Variants in DNAH14 observed in about 807,000 individuals in gnomAD.
DNAH14 encodes axonemal beta dynein heavy chain 14.
Under a neutral mutation model 520.9 loss-of-function variants are expected in DNAH14, and 478 were observed. The ratio of observed to expected loss-of-function variants is 0.92; its 90% CI spans 0.85 to 0.99. The LOEUF (loss-of-function observed/expected upper bound fraction) is 0.99. DNAH14 is among the 50% of genes least tolerant of loss of function. The pLI is 0.00. For missense variants in DNAH14, 4,831 were observed against 5,234.5 expected, an observed-to-expected ratio of 0.92 and a Z score of 2.38; for synonymous variants, 1,581 against 1,757.2, an observed-to-expected ratio of 0.90 and a Z score of 2.51.
intron 54 of DNAH14, among the ~76,000 whole-genome samples, chr1:225,282,449 C>T (rs923962117): frequency 1.3e-5 from 2 of 152,202 alleles, no homozygotes; most frequent in Non-Finnish European, 2.9e-5. Context: ...GAAGCTTGAA[C>T]AATTTTATCT....
rs2087684263 is a variant in DNAH14, at chr1:225,207,159, C to T, written c.6378C>T (p.Thr2126=). Residue 2126 remains threonine (T), a synonymous_variant, in exon 41 of 86, where the codon ACC becomes ACT. Coordinates refer to ENST00000682510, the MANE Select transcript of DNAH14 (RefSeq NM_001367479.1). ...YPMEDITVVI[T]LCRILDAFFD... is the part of the protein sequence containing the mutation. The stretch of plus-strand genomic sequence containing the variant: ...TGGAGGACATAACAGTCGTCATAAC[C>T]CTCTGCAGAATTCTTGATGCTTTCT... 15 of 1,544,440 alleles carry T rather than the reference C, an allele frequency of 9.7e-6. No homozygotes were observed. Among genetic ancestry groups the T allele is most frequent in the African/African-American group, 1.4e-5 (1 of 72,852 alleles).
At chr1:225,302,818 T>C (rs749612797) in intron 56 of DNAH14, among the ~76,000 whole-genome samples, 1 of 152,186 alleles carries the variant, frequency 6.6e-6, no homozygotes, top group Non-Finnish European at 1.5e-5. Context: ...ACTTTGAGTT[T>C]CTGTGGGTCT....
At chr1:225,327,457 G>C (rs1201255270) in intron 64 of DNAH14, among the ~76,000 whole-genome samples, 1 of 152,008 alleles carries the variant, frequency 6.6e-6, no homozygotes, top group Non-Finnish European at 1.5e-5. Flanking sequence ...CACCGCACCT[G>C]GCCGACTAAC....
At chr1:225,010,124 A>G (rs769363537) in intron 10 of DNAH14, among the ~76,000 whole-genome samples, 32 of 152,274 alleles carry the variant, frequency 2.1e-4, no homozygotes, top group Non-Finnish European at 4.3e-4. Flanking sequence ...AGAACTTCCA[A>G]TATTATGTTG....
intron 84 of DNAH14, among the ~76,000 whole-genome samples, chr1:225,393,081 G>A (rs189659828): frequency 5.4e-4 from 82 of 152,318 alleles, no homozygotes; most frequent in Admixed American, 1.9e-3. Context: ...CTAATGCTGG[G>A]GAGGAAGGGG....
intron 60 of DNAH14, among the ~76,000 whole-genome samples, chr1:225,314,456 C>T (rs555678297): frequency 3.9e-4 from 59 of 152,222 alleles, no homozygotes; most frequent in African/African-American, 1.3e-3. Context: ...TATAGTTATG[C>T]GTGAATTTGA....
At chr1:225,186,245 A>AT (rs2084713652) in intron 37 of DNAH14, among the ~76,000 whole-genome samples, 2 of 151,692 alleles carry the variant, frequency 1.3e-5, no homozygotes, top group African/African-American at 2.4e-5. Flanking sequence ...AGTGGGAAAT[A>AT]TCCTGCTTCG....
chr1:225,365,304 G>A (rs537701589), intron 76 of DNAH14, among the ~76,000 whole-genome samples: 2 of 152,150 alleles, frequency 1.3e-5, no homozygotes, highest in Non-Finnish European at 2.9e-5. Flanking sequence ...AAGATTATCT[G>A]GGACTTCTCA....
At chr1:225,022,442 G>C (rs549837056) in intron 10 of DNAH14, among the ~76,000 whole-genome samples, 9 of 152,038 alleles carry the variant, frequency 5.9e-5, no homozygotes, top group Non-Finnish European at 1.0e-4. Flanking sequence ...AATGGGCAAA[G>C]GATATGAACA....
chr1:225,365,334 A>G (rs2150582764), intron 76 of DNAH14, among the ~76,000 whole-genome samples: 1 of 152,320 alleles, frequency 6.6e-6, no homozygotes, highest in South Asian at 2.1e-4. Context: ...TTGAGGCTGA[A>G]TAAATAGTAA....
chr1:224,987,506 A>G (rs560936085), intron 8 of DNAH14, among the ~76,000 whole-genome samples: 1 of 152,334 alleles, frequency 6.6e-6, no homozygotes, highest in African/African-American at 2.4e-5. Context: ...GGGAAGTTTA[A>G]GAACTTGACA....
At chr1:225,184,547 G>C (rs1432492144) in intron 36 of DNAH14, among the ~76,000 whole-genome samples, 1 of 152,116 alleles carries the variant, frequency 6.6e-6, no homozygotes, top group Admixed American at 6.5e-5. Flanking sequence ...TTGAACCTGG[G>C]AGGCAGAGGT....
intron 43 of DNAH14, among the ~76,000 whole-genome samples, chr1:225,247,382 T>C (rs1419052465): frequency 6.6e-6 from 1 of 151,950 alleles, no homozygotes; most frequent in East Asian, 1.9e-4. Context: ...ATTCCAGAAC[T>C]TAAAGAATAA....
At position 224,960,378 on chromosome 1, in the gene DNAH14, A is replaced by G. The variant is rs1376246659; in HGVS notation, c.367+76A>G. The G allele has an allele frequency of 2.2e-6, 3 of 1,369,262 alleles. No individual in the cohort carries two copies. The African/African-American group carries it at 4.4e-5, about 20-fold the overall frequency. 84.8% of individuals were successfully genotyped at this position (1,369,262 alleles called of 1,614,324 possible). On this transcript the variant is annotated intron_variant, in intron 4 of 85. Coordinates refer to ENST00000682510, the MANE Select transcript of DNAH14 (RefSeq NM_001367479.1). ...ATTATTCTGTGGTTTGTGTGCTTATATTGGACACTGACTTTAGAAAAAACA... is the reference window on the plus strand; with the variant it reads ...ATTATTCTGTGGTTTGTGTGCTTATGTTGGACACTGACTTTAGAAAAAACA...
Position 225,346,593 on chromosome 1 carries a change from C to CT in DNAH14, c.11240dup (p.Leu3747PhefsTer10), listed in dbSNP as rs531695444. 230 of 1,550,436 alleles carry CT rather than the reference C, an allele frequency of 1.5e-4. No homozygotes were observed. In the African/African-American group the frequency reaches 2.8e-3, roughly 19 times the overall value. On this transcript the variant is annotated frameshift_variant, in exon 71 of 86. Transcript: ENST00000682510. LOFTEE classifies it high-confidence loss of function. ...TCCTACCAGAAGAAGAATGGAACATCTTTTTATATTCTGGCATATTGATAA... is the reference window on the plus strand; with the variant it reads ...TCCTACCAGAAGAAGAATGGAACATCTTTTTTATATTCTGGCATATTGATAA...
intron 1 of DNAH14, among the ~76,000 whole-genome samples, chr1:224,940,127 G>A (rs1432983526): frequency 6.6e-6 from 1 of 152,190 alleles, no homozygotes; most frequent in African/African-American, 2.4e-5. Context: ...ACTTACATGT[G>A]TGGTGCTTTA....
chr1:225,311,955 A>G (rs539362419), intron 60 of DNAH14, among the ~76,000 whole-genome samples: 17 of 152,250 alleles, frequency 1.1e-4, no homozygotes, highest in Admixed American at 3.9e-4. Context: ...TATGAAATTT[A>G]GAGTAGTTTT....
chr1:225,356,730 G>T (rs187143296), intron 73 of DNAH14, among the ~76,000 whole-genome samples: 1 of 152,126 alleles, frequency 6.6e-6, no homozygotes, highest in Non-Finnish European at 1.5e-5. Flanking sequence ...AAGAAACAAC[G>T]TATCTAGGGA....
Position 225,185,285 on chromosome 1 carries a change from T to G in DNAH14, c.5536-6T>G, listed in dbSNP as rs2084554528. On this transcript the variant is annotated splice_region_variant and splice_polypyrimidine_tract_variant and intron_variant, in intron 36 of 85. Transcript: ENST00000682510. Reference sequence around the variant, plus strand: ...TGAATGAATAAATCTGTAAATTTTGTTTTAGGTTTGTGTTGGTGTGATGTT... The same window carrying G: ...TGAATGAATAAATCTGTAAATTTTGGTTTAGGTTTGTGTTGGTGTGATGTT... 6.5e-7 allele frequency: 1 copy of G among 1,537,970 alleles called. No homozygotes were observed. The highest frequency in any genetic ancestry group is 1.4e-5 in the African/African-American group (1 of 72,256).
Sources: allele counts gnomAD v4.1 joint callset (sites outside exome capture counted in the v4.1 genomes callset), GRCh38; gene constraint gnomAD v4.1.1; transcripts MANE v1.5; gene names NCBI Gene and HGNC (gene_info 2026-07-23, HGNC 2026-07-21).